The following PCDH9 variants were observed in gnomAD, a reference collection of about 807,000 sequenced individuals.
PCDH9 encodes protocadherin 9, also known as protocadherin-9.
In PCDH9, 24 loss-of-function variants were observed where a neutral mutation model predicts 70.6. The observed-to-expected ratio is 0.34, with a 90% CI of 0.25 to 0.48. The LOEUF is 0.48. Among genes scored for constraint, PCDH9 ranks in the 20% least tolerant of loss-of-function variants. The probability of loss-of-function intolerance (pLI) is 0.99; values close to 1 mark genes in which losing one functional copy is unlikely to be tolerated. For synonymous variants in PCDH9, 562 were observed against 558.5 expected (o/e 1.01, Z -0.09); for missense variants, 1,281 against 1,503.6 (o/e 0.85, Z 2.45).
At chr13:66,946,835 C>A (rs1260809382) in intron 2 of PCDH9, among the ~76,000 whole-genome samples, 1 of 151,804 alleles carries the variant, frequency 6.6e-6, no homozygotes, top group Admixed American at 6.6e-5. Context: ...TCAAGAATAG[C>A]CCAAAAAATA....
At chr13:66,475,157 C>T (rs1055965748) in intron 4 of PCDH9, among the ~76,000 whole-genome samples, 4 of 152,056 alleles carry the variant, frequency 2.6e-5, no homozygotes, top group Non-Finnish European at 4.4e-5. Flanking sequence ...GTGCTATATG[C>T]TCACAGCACA....
At chr13:66,875,945 G>T (rs2081799174) in intron 3 of PCDH9, among the ~76,000 whole-genome samples, 1 of 152,114 alleles carries the variant, frequency 6.6e-6, no homozygotes, top group Non-Finnish European at 1.5e-5. Context: ...TTGAAAGACA[G>T]CCAATTCCAA....
chr13:66,772,427 T>G (rs186294378), intron 3 of PCDH9, among the ~76,000 whole-genome samples: 2 of 152,364 alleles, frequency 1.3e-5, no homozygotes, highest in Admixed American at 6.5e-5. Flanking sequence ...TATAAAATTA[T>G]CTTTGGATTA....
chr13:67,226,577 G>A lies in PCDH9; in HGVS notation c.1864C>T (p.Pro622Ser), dbSNP rs749764642. Residue 622 changes from proline to serine, a missense_variant, in exon 2 of 5, where the codon CCC becomes TCC. This residue lies in a region of PCDH9 where 798 missense variants were observed against 1,003.1 expected (regional missense o/e 0.80). Coordinates refer to ENST00000377865, the MANE Select transcript of PCDH9 (RefSeq NM_203487.3). This position sits in a 1 kb window ranked among gnomAD's most constrained non-coding sequence, Gnocchi z 5.0. ...LNDNDNFVLD[P>S]YSGVIKSNVS... Reference sequence around the variant, plus strand: ...TTTGACTTTATGACTCCAGAATAGGGATCCAACACAAAATTATCATTGTCA... The same window carrying A: ...TTTGACTTTATGACTCCAGAATAGGAATCCAACACAAAATTATCATTGTCA... The A allele has an allele frequency of 4.6e-5, 74 of 1,613,404 alleles. No individual in the cohort carries two copies. Among genetic ancestry groups the A allele is most frequent in the Non-Finnish European group, 6.2e-5 (73 of 1,179,482 alleles).
chr13:66,493,035 G>A (rs956195634), intron 4 of PCDH9, among the ~76,000 whole-genome samples: 5 of 151,974 alleles, frequency 3.3e-5, no homozygotes, highest in Admixed American at 1.3e-4. Context: ...ATCTAGACTA[G>A]AATACTACAG....
chr13:66,304,827 C>G lies in PCDH9; in HGVS notation c.3542G>C (p.Arg1181Thr), dbSNP rs755217062. ...DKLVNGHTLTRAWKEDSNRNQ... is the reference protein window; with the variant it reads ...DKLVNGHTLTTAWKEDSNRNQ... Reference sequence around the variant, plus strand: ...CCTGTTGCTGTCTTCTTTCCAGGCTCTGGTCAGGGTGTGCCCATTCACAAG... The same window carrying G: ...CCTGTTGCTGTCTTCTTTCCAGGCTGTGGTCAGGGTGTGCCCATTCACAAG... Residue 1181 changes from arginine (R) to threonine (T), a missense_variant, in exon 5 of 5, where the codon AGA (arginine) becomes ACA (threonine). Around this residue, in one of 4 missense-constraint regions of PCDH9, gnomAD observed 264 missense variants for 278.8 expected, o/e 0.95. Coordinates refer to ENST00000377865, the MANE Select transcript of PCDH9 (RefSeq NM_203487.3). 1 of 1,613,550 alleles carries G rather than the reference C, an allele frequency of 6.2e-7. No individual in the cohort carries two copies. The highest frequency in any genetic ancestry group is 1.1e-5 in the South Asian group (1 of 91,070).
intron 4 of PCDH9, among the ~76,000 whole-genome samples, chr13:66,512,691 T>A (rs1469833417): frequency 6.6e-6 from 1 of 152,072 alleles, no homozygotes; most frequent in East Asian, 1.9e-4. Flanking sequence ...AAAAGAAAAA[T>A]TATTTCATAT....
chr13:66,568,429 A>C (rs1593695143), intron 4 of PCDH9, among the ~76,000 whole-genome samples: 2 of 151,078 alleles, frequency 1.3e-5, no homozygotes, highest in African/African-American at 4.9e-5. Context: ...ACACACGCAC[A>C]CGCACACGCA....
intron 4 of PCDH9, among the ~76,000 whole-genome samples, chr13:66,404,756 T>C (rs1278084576): frequency 6.6e-6 from 1 of 152,094 alleles, no homozygotes; most frequent in African/African-American, 2.4e-5. Flanking sequence ...TTTCAATATT[T>C]TTACTCACAT....
chr13:66,475,769 G>A (rs912715633), intron 4 of PCDH9, among the ~76,000 whole-genome samples: 2 of 152,068 alleles, frequency 1.3e-5, no homozygotes, highest in Non-Finnish European at 2.9e-5. Flanking sequence ...AAAGGGAGAT[G>A]TAAGACCTAC....
At chr13:66,621,930 T>C (rs568116279) in intron 4 of PCDH9, among the ~76,000 whole-genome samples, 10 of 152,312 alleles carry the variant, frequency 6.6e-5, no homozygotes, top group African/African-American at 2.4e-4. Context: ...CTCCCTCAGC[T>C]TGCAGGGAGG....
Position 66,422,773 on chromosome 13 carries a change from A to G in PCDH9, c.3341-117745T>C, listed in dbSNP as rs538149897. ...AGAGAAGCAAGAGCAAATAAATTCA[A>G]AAGGTAGCAGAAGACAAGAAATAAC... On this transcript the variant is annotated intron_variant, in intron 4 of 4. Coordinates refer to ENST00000377865, the MANE Select transcript of PCDH9 (RefSeq NM_203487.3). Among the ~76,000 whole-genome samples the G allele has an allele frequency of 1.5e-3, 230 of 152,280 alleles. 1 individual carries two copies. The highest frequency in any genetic ancestry group is 2.7e-3 in the Non-Finnish European group (183 of 68,016).
At chr13:66,861,371 T>C (rs1037074050) in intron 3 of PCDH9, among the ~76,000 whole-genome samples, 1 of 152,180 alleles carries the variant, frequency 6.6e-6, no homozygotes, top group Non-Finnish European at 1.5e-5. Context: ...AGCCCTCTAT[T>C]AGAAACTTTT....
intron 2 of PCDH9, among the ~76,000 whole-genome samples, chr13:67,177,975 A>G (rs1241358193): frequency 6.6e-6 from 1 of 152,094 alleles, no homozygotes; most frequent in African/African-American, 2.4e-5. Context: ...TGCCCTGCTC[A>G]ATAAGGGAAA....
At chr13:67,096,865 A>T (rs186454557) in intron 2 of PCDH9, among the ~76,000 whole-genome samples, 581 of 151,006 alleles carry the variant, frequency 3.8e-3, no homozygotes, top group Non-Finnish European at 6.8e-3. Context: ...AAAGTTTATT[A>T]AAAAAACCCT....
chr13:66,907,369 C>G lies in PCDH9; in HGVS notation c.3037-3764G>C, dbSNP rs1453382913. ...CATATGTAAATCAAACTTGAGAAGT[C>G]TAAAGCTCAATAACAACAATCATAT... is the stretch of plus-strand genomic sequence containing the variant. On this transcript the variant is annotated intron_variant, in intron 2 of 4. Transcript: ENST00000377865. Among the ~76,000 whole-genome samples, 3 of 152,094 alleles carry G rather than the reference C, an allele frequency of 2.0e-5. No individual in the cohort carries two copies. In the East Asian group the frequency reaches 5.8e-4, roughly 29 times the overall value.
intron 4 of PCDH9, among the ~76,000 whole-genome samples, chr13:66,311,539 A>G (rs1269785030): frequency 6.6e-6 from 1 of 152,110 alleles, no homozygotes; most frequent in Non-Finnish European, 1.5e-5. Context: ...AATATCCACT[A>G]TTCTACTCTA....
intron 3 of PCDH9, among the ~76,000 whole-genome samples, chr13:66,744,289 A>G (rs1216096323): frequency 6.6e-6 from 1 of 152,240 alleles, no homozygotes; most frequent in Non-Finnish European, 1.5e-5. Context: ...TAAGCCCGAC[A>G]GAACCAAAAT....
At chr13:66,757,234 G>A (rs905080249) in intron 3 of PCDH9, among the ~76,000 whole-genome samples, 2 of 152,096 alleles carry the variant, frequency 1.3e-5, no homozygotes, top group Non-Finnish European at 2.9e-5. Context: ...TGTTGAAGAC[G>A]GTAGAACTGC....
Sources: gnomAD v4.1 joint callset for allele counts (sites outside exome capture counted in the v4.1 genomes callset) on GRCh38, gnomAD v4.1.1 for gene constraint, gnomAD v4.1.1 regional missense constraint, Gnocchi (gnomAD v3.1) non-coding constraint, MANE v1.5 for transcripts, NCBI Gene and HGNC (gene_info 2026-07-23, HGNC 2026-07-21) for gene names.